The following ANKRD26 variants were observed in gnomAD, a reference collection of about 807,000 sequenced individuals.
ANKRD26 encodes ankyrin repeat domain 26, also known as ankyrin repeat domain-containing protein 26.
ANKRD26 carries 141 observed loss-of-function variants against 208.7 expected under a neutral mutation model. That is an observed-to-expected ratio of 0.68 (90% confidence interval 0.59 to 0.78). ANKRD26 has a LOEUF of 0.78. ANKRD26 is among the 30% of genes least tolerant of loss of function. ANKRD26 has a pLI of 0.00. For synonymous variants in ANKRD26, 636 were observed against 660.4 expected (o/e 0.96, Z 0.57); for missense variants, 1,889 against 1,938.7 (o/e 0.97, Z 0.48).
chr10:26,998,016 C>A (rs772712637), intron 4 of ANKRD26, among the ~76,000 whole-genome samples: 56 of 152,290 alleles, frequency 3.7e-4, no homozygotes, highest in Non-Finnish European at 6.2e-4. Flanking sequence ...ATTACCCCAA[C>A]AAATTGCTTT....
chr10:27,002,571 C>T (rs967627617), downstream of ANKRD26, among the ~76,000 whole-genome samples: 12 of 152,122 alleles, frequency 7.9e-5, no homozygotes, highest in Non-Finnish European at 2.9e-5. Flanking sequence ...CCACCCTGCA[C>T]CCTTAAGTGC....
intron 4 of ANKRD26, among the ~76,000 whole-genome samples, chr10:26,996,595 T>A (rs1311698663): frequency 6.6e-6 from 1 of 152,196 alleles, no homozygotes; most frequent in Non-Finnish European, 1.5e-5. Context: ...ATTTGGTTTT[T>A]CTACAGGGAA....
chr10:26,992,539 T>A (rs2052509388), intron 5 of ANKRD26, among the ~76,000 whole-genome samples: 1 of 151,336 alleles, frequency 6.6e-6, no homozygotes, highest in Non-Finnish European at 1.5e-5. Flanking sequence ...TTCCCAGATT[T>A]ACAGCAAAAT....
Position 27,012,881 on chromosome 10 carries a change from C to T in ANKRD26, c.4953+1G>A, listed in dbSNP as rs758267677. 4 of 1,611,850 alleles carry T rather than the reference C, an allele frequency of 2.5e-6. No homozygotes were observed. Among genetic ancestry groups the T allele is most frequent in the South Asian group, 2.2e-5 (2 of 91,018 alleles). On this transcript the variant is annotated splice_donor_variant, in intron 32 of 33. Transcript: ENST00000376087. LOFTEE classifies it high-confidence loss of function. Reference sequence around the variant, plus strand: ...AAAGGAAAAAAGACAACATAACTAACCTTGCTCAAGTAGTTCTCCATGCTA... The same window carrying T: ...AAAGGAAAAAAGACAACATAACTAATCTTGCTCAAGTAGTTCTCCATGCTA...
chr10:27,081,890 C>A (rs1290810442), intron 6 of ANKRD26, among the ~76,000 whole-genome samples: 5 of 151,836 alleles, frequency 3.3e-5, no homozygotes, highest in African/African-American at 1.2e-4. Flanking sequence ...GCGTGCGCCA[C>A]CACGCCTGGC....
chr10:26,972,035 A>G (rs568980031), downstream of ANKRD26, among the ~76,000 whole-genome samples: 1 of 152,220 alleles, frequency 6.6e-6, no homozygotes, highest in East Asian at 1.9e-4. Context: ...GGAGATCGAG[A>G]CCATCCTGGC....
At chr10:26,951,013 C>CTTTTTTTTT in the ANKRD26 span, among the ~76,000 whole-genome samples, 100 of 100,876 alleles carry the variant, frequency 9.9e-4, 9 homozygotes, top group African/African-American at 4.7e-3. Flanking sequence ...CTTTTCTTTT[C>CTTTTTTTTT]TTTTTCTTTT....
intron 27 of ANKRD26, among the ~76,000 whole-genome samples, chr10:27,025,180 T>TGTTC (rs1315178517): frequency 6.6e-6 from 1 of 151,820 alleles, no homozygotes; most frequent in Non-Finnish European, 1.5e-5. Context: ...TTTGTTTGTT[T>TGTTC]GTTTGTCTGT....
Position 27,098,125 on chromosome 10 carries a change from A to C in ANKRD26, c.242+1960T>G, listed in dbSNP as rs184822713. 3.3e-5 allele frequency among the ~76,000 whole-genome samples: 5 copies of C among 151,696 alleles called. No individual in the cohort carries two copies. In the East Asian group the frequency reaches 7.7e-4, roughly 23 times the overall value. ...GATACCCTTTACTTTTTCTTTTTTT[A>C]TTTTTATTTTTTATCTTCTTAATTT... On this transcript the variant is annotated intron_variant, in intron 1 of 33. Transcript: ENST00000376087.
chr10:26,957,656 T>C, the ANKRD26 span, among the ~76,000 whole-genome samples: 41 of 152,330 alleles, frequency 2.7e-4, no homozygotes, highest in Non-Finnish European at 4.6e-4. Context: ...GTGACTTTCC[T>C]GTAAGCTAGA....
the ANKRD26 span, among the ~76,000 whole-genome samples, chr10:26,952,980 C>T: frequency 6.6e-6 from 1 of 152,122 alleles, no homozygotes; most frequent in Non-Finnish European, 1.5e-5. Flanking sequence ...CTGAAAGTGA[C>T]CAAGGCTGTT....
chr10:27,006,629 G>A (rs1370208451), intron 33 of ANKRD26, among the ~76,000 whole-genome samples: 2 of 152,146 alleles, frequency 1.3e-5, no homozygotes, highest in Non-Finnish European at 2.9e-5. Flanking sequence ...ACAGTTCTAT[G>A]GGGATGGCAG....
chr10:27,034,893 CT>C lies in ANKRD26; in HGVS notation c.3556del (p.Ser1186ValfsTer4). ...QKLQAESEKQSLLLEERNKEL... is the reference protein window; with the variant it reads ...QKLQAESEKQXLLLEERNKEL... ...CTTATTTCTTTCTTCTAGCAGAAGA[CT>C]TTGCTTTTCACTCTCAGCTTGAAGT... On this transcript the variant is annotated frameshift_variant, in exon 24 of 34. Coordinates refer to ENST00000376087, the MANE Select transcript of ANKRD26 (RefSeq NM_014915.3). LOFTEE classifies it high-confidence loss of function. The C allele has an allele frequency of 6.2e-7, 1 of 1,613,804 alleles. No individual in the cohort carries two copies. Among genetic ancestry groups the C allele is most frequent in the Non-Finnish European group, 8.5e-7 (1 of 1,179,866 alleles).
intron 15 of ANKRD26, 70 bp from the exon 16 acceptor site, chr10:27,053,460 GA>G (rs2054734756): frequency 1.0e-6 from 1 of 992,940 alleles, no homozygotes; most frequent in African/African-American, 1.6e-5. Flanking sequence ...AGTCTTTACA[GA>G]AATAGAAAAT....
rs2134768858 is a variant in ANKRD26, at chr10:27,004,154, T to G, written c.*1436A>C. On this transcript the variant is annotated 3_prime_UTR_variant, in exon 34 of 34. Transcript: ENST00000376087. ...AAAAATCTGTATTAAGTACCTATAT[T>G]CATATTCATCTAGAAAGACAGGAGG... The G allele has an allele frequency of 6.6e-6, 1 of 152,246 alleles. No homozygotes were observed. Among genetic ancestry groups the G allele is most frequent in the South Asian group, 2.1e-4 (1 of 4,826 alleles). The allele number at this position is 152,246 out of a possible 1,614,324, so 9.4% of individuals were successfully genotyped here. A position where few individuals can be genotyped will look rare whatever the true frequency, so the allele number is the denominator to read the frequency against.
intron 12 of ANKRD26, 140 bp downstream of exon 12, chr10:27,063,848 C>T (rs2055149598): frequency 1.4e-6 from 1 of 735,626 alleles, no homozygotes; most frequent in Non-Finnish European, 2.3e-6. Context: ...AGATATACAA[C>T]TTATCACAAT....
chr10:27,011,379 T>G (rs2053102190), intron 32 of ANKRD26, among the ~76,000 whole-genome samples: 1 of 152,178 alleles, frequency 6.6e-6, no homozygotes, highest in Non-Finnish European at 1.5e-5. Context: ...GCAATCCTCC[T>G]GCCCCAGCCT....
chr10:27,063,339 G>C (rs1470759426), intron 12 of ANKRD26, among the ~76,000 whole-genome samples: 1 of 150,972 alleles, frequency 6.6e-6, no homozygotes, highest in African/African-American at 2.4e-5. Context: ...TTATTTTTTT[G>C]AGATGAAGTC....
chr10:26,986,573 A>C (rs2052391806), intron 3 of ANKRD26, among the ~76,000 whole-genome samples: 2 of 152,364 alleles, frequency 1.3e-5, no homozygotes, highest in East Asian at 3.9e-4. Flanking sequence ...GAACTCAAAC[A>C]AATTTACAAG....
Sources: gnomAD v4.1 joint callset for allele counts (sites outside exome capture counted in the v4.1 genomes callset) on GRCh38, gnomAD v4.1.1 for gene constraint, MANE v1.5 for transcripts, NCBI Gene and HGNC (gene_info 2026-07-23, HGNC 2026-07-21) for gene names.